Variants in DNAH14 observed in about 807,000 individuals in gnomAD.
DNAH14 encodes the protein axonemal beta dynein heavy chain 14.
DNAH14 carries 478 observed loss-of-function variants against 520.9 expected under a neutral mutation model. The observed-to-expected ratio is 0.92, with a 90% CI of 0.85 to 0.99. The LOEUF (loss-of-function observed/expected upper bound fraction) is 0.99, where lower values mean the gene tolerates loss of function less well. Ranked by LOEUF, DNAH14 falls within the 50% of genes least tolerant of loss-of-function variation. DNAH14 has a pLI of 0.00. For synonymous variants in DNAH14, 1,581 were observed against 1,757.2 expected, an observed-to-expected ratio of 0.90 and a Z score of 2.51; for missense variants, 4,831 against 5,234.5, an observed-to-expected ratio of 0.92 and a Z score of 2.38.
chr1:225,252,497 CTATT>C (rs2092592058), intron 44 of DNAH14, 80 bp downstream of exon 44: 1 of 775,452 alleles, frequency 1.3e-6, no homozygotes, highest in Non-Finnish European at 2.0e-6. Flanking sequence ...TATATCTACT[CTATT>C]TATAAAAGTA....
In DNAH14 at chr1:225,272,952, C is replaced by G; in HGVS notation, c.7840-3C>G. On this transcript the variant is annotated splice_polypyrimidine_tract_variant and splice_region_variant and intron_variant, in intron 51 of 85. Coordinates refer to ENST00000682510, the MANE Select transcript of DNAH14 (RefSeq NM_001367479.1). Reference sequence around the variant, plus strand: ...AAAAACGTTATTTTTAAATCCCTAACAGCTTCTCCTAGGATTGCTGCAAGC... The same window carrying G: ...AAAAACGTTATTTTTAAATCCCTAAGAGCTTCTCCTAGGATTGCTGCAAGC... 6.6e-7 allele frequency: 1 copy of G among 1,519,956 alleles called. No individual in the cohort carries two copies. Among genetic ancestry groups the G allele is most frequent in the Non-Finnish European group, 8.8e-7 (1 of 1,137,990 alleles). 94.2% of individuals were successfully genotyped at this position (1,519,956 alleles called of 1,614,324 possible).
chr1:225,277,826 GC>G (rs763907479), intron 54 of DNAH14, among the ~76,000 whole-genome samples: 136 of 152,298 alleles, frequency 8.9e-4, no homozygotes, highest in Admixed American at 3.3e-3. Context: ...AGAAATGTGA[GC>G]TTTTGCACAA....
chr1:225,088,453 C>A (rs899362743), intron 21 of DNAH14, among the ~76,000 whole-genome samples: 2 of 152,066 alleles, frequency 1.3e-5, no homozygotes, highest in Admixed American at 1.3e-4. Flanking sequence ...AAAAATATAA[C>A]ATTGGAAATG....
intron 21 of DNAH14, among the ~76,000 whole-genome samples, chr1:225,096,835 C>T (rs1156988960): frequency 6.6e-6 from 1 of 152,090 alleles, no homozygotes; most frequent in East Asian, 1.9e-4. Flanking sequence ...AAGTGCTAGA[C>T]ATTCATGTTA....
Position 224,994,830 on chromosome 1 carries a change from G to A in DNAH14, c.831-7953G>A, listed in dbSNP as rs374529345. Among the ~76,000 whole-genome samples the A allele has an allele frequency of 1.3e-3, 205 of 152,072 alleles. 1 individual carries two copies. The highest frequency in any genetic ancestry group is 3.4e-3 in the Middle Eastern group (1 of 294). ...TTGTTCTTTTTTTGTGTTGGGTCTA[G>A]TATAGATTTTTGCTTTGTGGTTACC... On this transcript the variant is annotated intron_variant, in intron 8 of 85. Coordinates refer to ENST00000682510, the MANE Select transcript of DNAH14 (RefSeq NM_001367479.1).
chr1:225,248,757 G>A (rs539530669), intron 43 of DNAH14, among the ~76,000 whole-genome samples: 1 of 152,220 alleles, frequency 6.6e-6, no homozygotes, highest in Non-Finnish European at 1.5e-5. Flanking sequence ...TAACAAATAG[G>A]AACCTAAAGT....
chr1:225,100,514 G>A (rs12060028), intron 22 of DNAH14, among the ~76,000 whole-genome samples, 199 bp from the exon 23 acceptor site: 20 of 152,054 alleles, frequency 1.3e-4, no homozygotes, highest in African/African-American at 4.3e-4. Context: ...TGGTTGTTGT[G>A]TCTAATTTAT....
chr1:224,964,082 A>C (rs1471470715), intron 4 of DNAH14, among the ~76,000 whole-genome samples: 1 of 152,090 alleles, frequency 6.6e-6, no homozygotes, highest in Admixed American at 6.6e-5. Context: ...GATGTTCTGA[A>C]AGGTGTCTGT....
chr1:225,398,775 A>C (rs1160058916), intron 85 of DNAH14, 109 bp downstream of exon 85: 102 of 1,389,604 alleles, frequency 7.3e-5, no homozygotes, highest in Non-Finnish European at 9.1e-5. Flanking sequence ...GAGATGTGAT[A>C]ATATACTCAG....
intron 30 of DNAH14, 127 bp from the exon 31 acceptor site, chr1:225,146,977 G>C (rs369738749): frequency 4.3e-5 from 29 of 668,862 alleles, no homozygotes; most frequent in East Asian, 4.0e-4. Flanking sequence ...ATGCCTAGGA[G>C]GGGGAAATGC....
At chr1:225,105,917 A>G (rs7554849) in intron 23 of DNAH14, among the ~76,000 whole-genome samples, 102,738 of 144,020 alleles carry the variant, frequency 0.71, 37,896 homozygotes, top group African/African-American at 0.9. Flanking sequence ...GTGTGAATTC[A>G]ATTCTGTTAT....
At chr1:225,393,409 C>G (rs1026329367) in intron 84 of DNAH14, among the ~76,000 whole-genome samples, 2 of 152,222 alleles carry the variant, frequency 1.3e-5, no homozygotes, top group Non-Finnish European at 2.9e-5. Context: ...CAGACCTGTA[C>G]AGCATGTTAC....
chr1:225,115,388 A>T (rs887464884), intron 23 of DNAH14, among the ~76,000 whole-genome samples: 7 of 152,366 alleles, frequency 4.6e-5, no homozygotes, highest in Middle Eastern at 3.4e-3. Flanking sequence ...ATATTTATAC[A>T]TTCTCAGAAC....
intron 8 of DNAH14, among the ~76,000 whole-genome samples, chr1:224,998,008 TGAG>T (rs2063509415): frequency 6.6e-6 from 1 of 152,060 alleles, no homozygotes; most frequent in Non-Finnish European, 1.5e-5. Context: ...TCACATTGGG[TGAG>T]TTGTTGTAGT....
chr1:225,101,914 T>C (rs1416776634), intron 23 of DNAH14, among the ~76,000 whole-genome samples: 1 of 131,016 alleles, frequency 7.6e-6, no homozygotes, highest in African/African-American at 2.9e-5. Context: ...TTTAATACTT[T>C]AAGTTTTAGG....
chr1:225,271,012 A>T, intron 50 of DNAH14, 146 bp downstream of exon 50: 4 of 917,558 alleles, frequency 4.4e-6, no homozygotes, highest in Non-Finnish European at 6.4e-6. Flanking sequence ...GCCTATTATA[A>T]TTTGGTTCTA....
chr1:225,012,264 T>A (rs893236199), intron 10 of DNAH14, among the ~76,000 whole-genome samples: 4 of 152,208 alleles, frequency 2.6e-5, no homozygotes, highest in Non-Finnish European at 4.4e-5. Flanking sequence ...TCTTTAAGAA[T>A]GTTGAATATT....
At chr1:225,376,917 C>A (rs886374399) in intron 78 of DNAH14, among the ~76,000 whole-genome samples, 3 of 152,030 alleles carry the variant, frequency 2.0e-5, no homozygotes, top group African/African-American at 7.2e-5. Flanking sequence ...TTTGTTCAAG[C>A]CTTATTGCAT....
In DNAH14 at chr1:225,095,548, G is replaced by T. The variant is rs150440207; in HGVS notation, c.3574-1570G>T. Among the ~76,000 whole-genome samples, 28 of 152,224 alleles carry T rather than the reference G, an allele frequency of 1.8e-4. No homozygotes were observed. The Middle Eastern group carries it at 0.024, about 129-fold the overall frequency. Reference sequence around the variant, plus strand: ...AGGATAAAAAAGCTACCTATTGTGTGCTATGTTATTACCTGGGTAACAAAA... The same window carrying T: ...AGGATAAAAAAGCTACCTATTGTGTTCTATGTTATTACCTGGGTAACAAAA... On this transcript the variant is annotated intron_variant, in intron 21 of 85. Transcript: ENST00000682510.
Sources: gnomAD v4.1 joint callset for allele counts (sites outside exome capture counted in the v4.1 genomes callset) on GRCh38, gnomAD v4.1.1 for gene constraint, MANE v1.5 for transcripts, NCBI Gene and HGNC (gene_info 2026-07-23, HGNC 2026-07-21) for gene names.